The following CFAP44 variants were observed in gnomAD, a reference collection of about 807,000 sequenced individuals.
The protein encoded by CFAP44 is cilia- and flagella-associated protein 44.
Under a neutral mutation model 216.2 loss-of-function variants are expected in CFAP44, and 134 were observed. That is an observed-to-expected ratio of 0.62 (90% CI 0.54 to 0.72). CFAP44 has a LOEUF of 0.72. CFAP44 is among the 30% of genes least tolerant of loss of function. CFAP44 has a pLI of 0.00. For missense variants in CFAP44, 2,035 were observed against 2,182.1 expected (o/e 0.93, Z 1.34); for synonymous variants, 700 against 727.6 (o/e 0.96, Z 0.61).
At chr3:113,401,785 A>G (rs368268711) in intron 9 of CFAP44, 46 bp from the exon 10 acceptor site, 10 of 1,533,292 alleles carry the variant, frequency 6.5e-6, no homozygotes, top group Non-Finnish European at 8.8e-6. Context: ...GTAGTTTCTG[A>G]ACATTTATTT....
chr3:113,372,358 AG>A (rs1260137562), intron 18 of CFAP44, among the ~76,000 whole-genome samples: 1 of 152,248 alleles, frequency 6.6e-6, no homozygotes, highest in Admixed American at 6.5e-5. Flanking sequence ...GACTGGATTA[AG>A]AAAATGTGGC....
At chr3:113,316,723 G>T (rs940737125) in intron 28 of CFAP44, among the ~76,000 whole-genome samples, 2 of 152,006 alleles carry the variant, frequency 1.3e-5, no homozygotes, top group Non-Finnish European at 2.9e-5. Flanking sequence ...ATAAAAATTA[G>T]CTGGGTGTGG....
chr3:113,418,056 C>CT lies in CFAP44; in HGVS notation c.571-1430_571-1429insA, dbSNP rs1197874580. Among the ~76,000 whole-genome samples the CT allele has an allele frequency of 7.0e-3, 687 of 97,740 alleles. 6 individuals are homozygous for CT. Among genetic ancestry groups the CT allele is most frequent in the African/African-American group, 0.029 (664 of 22,836 alleles). 64.1% of individuals were successfully genotyped at this position (97,740 alleles called of 152,430 possible). A position where few individuals can be genotyped will look rare whatever the true frequency, so the allele number is the denominator to read the frequency against. On this transcript the variant is annotated intron_variant, in intron 5 of 34. Transcript: ENST00000393845. ...ATTTATTTAATTATTTATTGAGACA[C>CT]AATTTATTTATTTATTTATTTATTT...
At chr3:113,435,374 A>G (rs1478706003) in intron 1 of CFAP44, among the ~76,000 whole-genome samples, 1 of 152,154 alleles carries the variant, frequency 6.6e-6, no homozygotes, top group Non-Finnish European at 1.5e-5. Flanking sequence ...AGAAGTGCAG[A>G]GCGAAGGGGA....
chr3:113,357,963 T>A (rs991758706), intron 22 of CFAP44, among the ~76,000 whole-genome samples: 3 of 152,056 alleles, frequency 2.0e-5, no homozygotes, highest in Non-Finnish European at 4.4e-5. Flanking sequence ...GTAGAAGGGA[T>A]AAACTGTGGT....
chr3:113,296,582 G>A, intron 33 of CFAP44, 143 bp downstream of exon 33: 1 of 855,212 alleles, frequency 1.2e-6, no homozygotes, highest in South Asian at 1.9e-5. Flanking sequence ...GCCGAGACAA[G>A]GCCTAAGATC....
chr3:113,422,884 G>A (rs779651702), intron 4 of CFAP44, among the ~76,000 whole-genome samples: 3 of 152,010 alleles, frequency 2.0e-5, no homozygotes, highest in Admixed American at 6.6e-5. Flanking sequence ...TTTACATGCT[G>A]CTGCCCTGAT....
chr3:113,431,049 G>T (rs897462998), intron 2 of CFAP44, among the ~76,000 whole-genome samples: 1 of 151,950 alleles, frequency 6.6e-6, no homozygotes, highest in Non-Finnish European at 1.5e-5. Flanking sequence ...TGCTTGGGTG[G>T]AATACAAGGA....
intron 28 of CFAP44, among the ~76,000 whole-genome samples, chr3:113,324,001 G>A (rs920426745): frequency 6.3e-5 from 9 of 143,534 alleles, no homozygotes; most frequent in Non-Finnish European, 1.2e-4. Flanking sequence ...CACAGATCGC[G>A]CCACCGCACT....
Position 113,396,513 on chromosome 3 carries a change from C to T in CFAP44, c.1779+5G>A. On this transcript the variant is annotated splice_donor_5th_base_variant and intron_variant, in intron 14 of 34. Transcript: ENST00000393845. The stretch of plus-strand genomic sequence containing the variant: ...ACAAGAAAAGAAAGGAAATGTACTG[C>T]TTACCCCTGTGGCTAGAATTTCCCC... 6.2e-7 allele frequency: 1 copy of T among 1,613,868 alleles called. No homozygotes were observed. The highest frequency in any genetic ancestry group is 8.5e-7 in the Non-Finnish European group (1 of 1,179,896).
intron 8 of CFAP44, among the ~76,000 whole-genome samples, chr3:113,406,111 T>C (rs1004085984): frequency 2.0e-5 from 3 of 152,208 alleles, no homozygotes; most frequent in Non-Finnish European, 2.9e-5. Context: ...TTTCAGGCAA[T>C]ATGCCTATAA....
At chr3:113,316,271 T>A (rs993613360) in intron 28 of CFAP44, among the ~76,000 whole-genome samples, 18 of 152,132 alleles carry the variant, frequency 1.2e-4, no homozygotes, top group Non-Finnish European at 2.2e-4. Context: ...AAATCCAACT[T>A]AAAATCTGTG....
At chr3:113,440,775 C>T (rs1209966492) in intron 1 of CFAP44, among the ~76,000 whole-genome samples, 3 of 152,184 alleles carry the variant, frequency 2.0e-5, no homozygotes, top group Non-Finnish European at 4.4e-5. Context: ...GGTCCCTTGT[C>T]AGAGGGTCTG....
intron 19 of CFAP44, among the ~76,000 whole-genome samples, chr3:113,365,123 T>C (rs1300848615): frequency 6.6e-6 from 1 of 152,148 alleles, no homozygotes. Context: ...CATTTTTCTA[T>C]CCAATATGGG....
intron 17 of CFAP44, among the ~76,000 whole-genome samples, chr3:113,374,572 C>A (rs1405557941): frequency 6.6e-6 from 1 of 152,042 alleles, no homozygotes; most frequent in Non-Finnish European, 1.5e-5. Context: ...TATTTGAACA[C>A]CCACCTCATT....
In CFAP44 at chr3:113,290,068, A is replaced by G. The variant is rs1235259330; in HGVS notation, c.*1489T>C. 2.0e-5 allele frequency: 3 copies of G among 152,064 alleles called. No homozygotes were observed. The highest frequency in any genetic ancestry group is 7.3e-5 in the African/African-American group (3 of 41,338). The allele number at this position is 152,064 out of a possible 1,614,324, so 9.4% of individuals were successfully genotyped here. A position where few individuals can be genotyped will look rare whatever the true frequency, so the allele number is the denominator to read the frequency against. ...GTGAGATCACAAGTTTGTTGTTTCA[A>G]GCTAAGTTTGGGGGTAATTTTTTAC... On this transcript the variant is annotated 3_prime_UTR_variant, in exon 35 of 35. Coordinates refer to ENST00000393845, the MANE Select transcript of CFAP44 (RefSeq NM_001164496.2).
chr3:113,363,572 C>A (rs74854096), intron 19 of CFAP44, 40 bp from the exon 20 acceptor site: 2 of 1,511,582 alleles, frequency 1.3e-6, no homozygotes, highest in Non-Finnish European at 1.8e-6. Flanking sequence ...TTTAAAATTG[C>A]ATAGCATTTT....
At chr3:113,402,229 G>A (rs1342040749) in intron 9 of CFAP44, among the ~76,000 whole-genome samples, 1 of 152,172 alleles carries the variant, frequency 6.6e-6, no homozygotes, top group African/African-American at 2.4e-5. Flanking sequence ...ATTAGAAAAT[G>A]TTTCTCTTCC....
At chr3:113,429,118 TAA>T (rs1387374001) in intron 2 of CFAP44, 1 of 152,138 alleles carries the variant, frequency 6.6e-6, no homozygotes, top group Non-Finnish European at 1.5e-5. Context: ...ATTATAATTT[TAA>T]AAAGAGTTCA....
Sources: gnomAD v4.1 joint callset for allele counts (sites outside exome capture counted in the v4.1 genomes callset) on GRCh38, gnomAD v4.1.1 for gene constraint, MANE v1.5 for transcripts, NCBI Gene and HGNC (gene_info 2026-07-23, HGNC 2026-07-21) for gene names.